The following CCNY variants were observed in gnomAD, a reference collection of about 807,000 sequenced individuals.
CCNY encodes the protein cyclin Y, also known as cyclin-Y.
Under a neutral mutation model 42.8 loss-of-function variants are expected in CCNY, and 19 were observed. The ratio of observed to expected loss-of-function variants is 0.44; its 90% CI spans 0.31 to 0.65. The LOEUF is 0.65. Among genes scored for constraint, CCNY ranks in the 30% least tolerant of loss-of-function variants. CCNY has a pLI of 0.07. For synonymous variants in CCNY, 165 were observed against 162.7 expected (o/e 1.01, Z -0.11); for missense variants, 370 against 437.3 (o/e 0.85, Z 1.37).
At chr10:35,359,491 T>TTTA (rs138796816) in intron 1 of CCNY, among the ~76,000 whole-genome samples, 119 of 149,302 alleles carry the variant, frequency 8.0e-4, no homozygotes, top group Non-Finnish European at 1.2e-3. Flanking sequence ...TAACTCTTTA[T>TTTA]TTATTATTAT....
In CCNY at chr10:35,384,734, C is replaced by A. The variant is rs566755695; in HGVS notation, c.154+47527C>A. ...AGTCCTGGGCACATAGTTTGCCTGT[C>A]CTTCTCCCCCAGGGACAAGGTGCCC... On this transcript the variant is annotated intron_variant, in intron 1 of 9. Transcript: ENST00000374704. Among the ~76,000 whole-genome samples the A allele has an allele frequency of 1.5e-3, 230 of 152,226 alleles. 1 individual carries two copies. The highest frequency in any genetic ancestry group is 2.7e-3 in the Non-Finnish European group (185 of 68,014).
In CCNY at chr10:35,251,446, A is replaced by G. The variant is rs573293475; in HGVS notation, c.-9+820A>G. ...ACTAAATTGCTCATGTTAGGTTTAT[A>G]GTAGTAGAAAGATGTAGCTTCAGGT... is the stretch of plus-strand genomic sequence containing the variant. On this transcript the variant is annotated intron_variant, in intron 3 of 11. Transcript: ENST00000374706. 1.5e-4 allele frequency among the ~76,000 whole-genome samples: 23 copies of G among 152,348 alleles called. No homozygotes were observed. In the East Asian group the frequency reaches 4.2e-3, roughly 28 times the overall value.
chr10:35,502,699 C>G (rs906718627), intron 3 of CCNY, among the ~76,000 whole-genome samples: 2 of 151,920 alleles, frequency 1.3e-5, no homozygotes, highest in Non-Finnish European at 2.9e-5. Context: ...GTTTAAAGCA[C>G]CTTTGAAATT....
In CCNY at chr10:35,562,650, T is replaced by C. The variant is rs1589212012; in HGVS notation, c.747-3373T>C. Among the ~76,000 whole-genome samples the C allele has an allele frequency of 2.6e-5, 4 of 152,318 alleles. No homozygotes were observed. In the South Asian group the frequency reaches 8.3e-4, roughly 32 times the overall value. The stretch of plus-strand genomic sequence containing the variant: ...CATGTTGTAGTGTGTCTGAATTTCC[T>C]TTCTTTTTAGGGCTGTATAATACTT... On this transcript the variant is annotated intron_variant, in intron 8 of 9. Coordinates refer to ENST00000374704, the MANE Select transcript of CCNY (RefSeq NM_145012.6).
intron 4 of CCNY, among the ~76,000 whole-genome samples, chr10:35,525,056 G>A: frequency 6.6e-6 from 1 of 152,140 alleles, no homozygotes; most frequent in East Asian, 1.9e-4. Context: ...AATTATAATT[G>A]CAAAGTATTA....
At chr10:35,332,697 C>T (rs1359820635), upstream of CCNY, among the ~76,000 whole-genome samples, 3 of 152,160 alleles carry the variant, frequency 2.0e-5, no homozygotes, top group Non-Finnish European at 4.4e-5. Flanking sequence ...CTCCACCTCC[C>T]GGGTTCACAC....
chr10:35,347,840 G>C (rs943389164), intron 1 of CCNY, among the ~76,000 whole-genome samples: 5 of 151,978 alleles, frequency 3.3e-5, no homozygotes, highest in African/African-American at 1.2e-4. Flanking sequence ...ATTATTTCTG[G>C]TTCTTACAGT....
chr10:35,528,637 A>G (rs1208559408), intron 5 of CCNY, among the ~76,000 whole-genome samples: 1 of 152,154 alleles, frequency 6.6e-6, no homozygotes, highest in African/African-American at 2.4e-5. Flanking sequence ...AGGCAGGAGA[A>G]TCGCTTGAAC....
At chr10:35,478,606 A>T (rs914944006) in intron 1 of CCNY, among the ~76,000 whole-genome samples, 4 of 152,216 alleles carry the variant, frequency 2.6e-5, no homozygotes, top group African/African-American at 7.2e-5. Flanking sequence ...CTGAAACTGG[A>T]TCCCTTCCTT....
intron 3 of CCNY, among the ~76,000 whole-genome samples, chr10:35,275,056 CTTTTTTTTTT>C (rs34467762): frequency 1.5e-5 from 1 of 64,882 alleles, no homozygotes. Flanking sequence ...ACCGTCATTC[CTTTTTTTTTT>C]TTTTTTTTTT....
chr10:35,535,081 G>T (rs903522447), intron 7 of CCNY, among the ~76,000 whole-genome samples: 1 of 150,894 alleles, frequency 6.6e-6, no homozygotes, highest in Admixed American at 6.6e-5. Context: ...CCCTGTTGGA[G>T]TGAACAAAGG....
At chr10:35,284,586 T>C (rs570079473) in intron 3 of CCNY, among the ~76,000 whole-genome samples, 1 of 152,302 alleles carries the variant, frequency 6.6e-6, no homozygotes, top group South Asian at 2.1e-4. Context: ...ATTTTCGCTC[T>C]TCTTTTTTCG....
rs868827802 is a variant in CCNY, at chr10:35,445,476, A to G, written c.155-37928A>G. Among the ~76,000 whole-genome samples, 14 of 152,312 alleles carry G rather than the reference A, an allele frequency of 9.2e-5. 2 individuals carry two copies. The South Asian group carries it at 2.9e-3, about 32-fold the overall frequency. ...GCAGAGAAGCAGGAGTGGAGTCCGC[A>G]TTTCTGCCAGGAAGGGTGGAAGACT... is the stretch of plus-strand genomic sequence containing the variant. On this transcript the variant is annotated intron_variant, in intron 1 of 9. Transcript: ENST00000374704.
Position 35,567,889 on chromosome 10 carries a change from G to A in CCNY, c.910-1165G>A, listed in dbSNP as rs1249802815. 2.0e-5 allele frequency among the ~76,000 whole-genome samples: 3 copies of A among 152,106 alleles called. No homozygotes were observed. The South Asian group carries it at 6.2e-4, about 32-fold the overall frequency. ...CCAGTCTCCCAGTTATCATCTATTC[G>A]AGGAAAAATGGAAAACCCTCCCTCT... On this transcript the variant is annotated intron_variant, in intron 9 of 9. Coordinates refer to ENST00000374704, the MANE Select transcript of CCNY (RefSeq NM_145012.6).
intron 1 of CCNY, among the ~76,000 whole-genome samples, chr10:35,456,835 T>A (rs1252505076): frequency 6.6e-6 from 1 of 152,212 alleles, no homozygotes; most frequent in Non-Finnish European, 1.5e-5. Flanking sequence ...CTTGCAGATA[T>A]GCCTGTGAAC....
At chr10:35,490,447 T>C (rs1839873060) in intron 2 of CCNY, among the ~76,000 whole-genome samples, 1 of 152,254 alleles carries the variant, frequency 6.6e-6, no homozygotes, top group Non-Finnish European at 1.5e-5. Context: ...GTGCTTCTGA[T>C]CATAAATGGC....
intron 8 of CCNY, among the ~76,000 whole-genome samples, chr10:35,561,057 C>G (rs554782748): frequency 6.6e-6 from 1 of 152,282 alleles, no homozygotes; most frequent in South Asian, 2.1e-4. Context: ...GCCTGGACAG[C>G]CACCCAAGCT....
chr10:35,313,645 C>T (rs1835716788), intron 3 of CCNY, among the ~76,000 whole-genome samples: 1 of 152,194 alleles, frequency 6.6e-6, no homozygotes, highest in Admixed American at 6.5e-5. Flanking sequence ...GAGACCACAA[C>T]ACCAGACAAC....
intron 1 of CCNY, among the ~76,000 whole-genome samples, chr10:35,467,466 T>C (rs1418829640): frequency 6.6e-6 from 1 of 152,226 alleles, no homozygotes; most frequent in African/African-American, 2.4e-5. Flanking sequence ...GTGAAGAGGA[T>C]GACATTGCTC....
Sources: allele counts gnomAD v4.1 joint callset (sites outside exome capture counted in the v4.1 genomes callset), GRCh38; gene constraint gnomAD v4.1.1; transcripts MANE v1.5; gene names NCBI Gene and HGNC (gene_info 2026-07-23, HGNC 2026-07-21).